UGGT1: variants seen among roughly 807,000 people sequenced by gnomAD.
UGGT1 encodes the protein UDP-glucose:glycoprotein glucosyltransferase 1.
In UGGT1, 107 loss-of-function variants were observed where a neutral mutation model predicts 203.9. The observed-to-expected ratio is 0.52, with a 90% CI of 0.45 to 0.62. The LOEUF (loss-of-function observed/expected upper bound fraction) is 0.62. Among genes scored for constraint, UGGT1 ranks in the 20% least tolerant of loss-of-function variants. The probability of loss-of-function intolerance (pLI) is 0.00; values close to 1 mark genes in which losing one functional copy is unlikely to be tolerated. For synonymous variants in UGGT1, 628 were observed against 653.5 expected (o/e 0.96, Z 0.59); for missense variants, 1,673 against 1,867.2 (o/e 0.90, Z 1.92).
chr2:128,123,732 T>C (rs1310380827), intron 11 of UGGT1, among the ~76,000 whole-genome samples: 1 of 152,220 alleles, frequency 6.6e-6, no homozygotes, highest in Non-Finnish European at 1.5e-5. Context: ...CTGGTTTTGA[T>C]GTGGTCTGAG....
chr2:128,106,436 C>T (rs1332199150), intron 3 of UGGT1, among the ~76,000 whole-genome samples: 6 of 152,226 alleles, frequency 3.9e-5, no homozygotes, highest in African/African-American at 1.4e-4. Flanking sequence ...CATTAACATT[C>T]TGGCATCATT....
chr2:128,151,697 C>A (rs1169576255), intron 18 of UGGT1, among the ~76,000 whole-genome samples: 2 of 152,040 alleles, frequency 1.3e-5, no homozygotes, highest in Non-Finnish European at 2.9e-5. Context: ...TGTGGTGAAA[C>A]CCCATCTCTA....
chr2:128,175,375 T>C (rs1056817208), intron 31 of UGGT1, among the ~76,000 whole-genome samples: 11 of 152,218 alleles, frequency 7.2e-5, no homozygotes, highest in African/African-American at 2.4e-4. Flanking sequence ...ACTGCACATA[T>C]TTATTAGTTT....
chr2:128,172,267 C>G (rs1476576845), intron 28 of UGGT1, among the ~76,000 whole-genome samples: 3 of 152,136 alleles, frequency 2.0e-5, no homozygotes, highest in Non-Finnish European at 2.9e-5. Flanking sequence ...TGCAGGTGGA[C>G]AGTATAGTGG....
At chr2:128,185,963 C>T (rs1691957837) in intron 38 of UGGT1, among the ~76,000 whole-genome samples, 1 of 152,046 alleles carries the variant, frequency 6.6e-6, no homozygotes, top group African/African-American at 2.4e-5. Flanking sequence ...AAAATGTCGT[C>T]TATTTGGGAG....
chr2:128,174,576 C>G (rs1412069695), intron 30 of UGGT1, among the ~76,000 whole-genome samples, 197 bp from the exon 31 acceptor site: 1 of 152,202 alleles, frequency 6.6e-6, no homozygotes, highest in Admixed American at 6.5e-5. Flanking sequence ...GCTGGGATTA[C>G]AGGCGTGAGC....
intron 5 of UGGT1, among the ~76,000 whole-genome samples, chr2:128,112,408 G>T: frequency 1.0e-5 from 1 of 100,194 alleles, no homozygotes; most frequent in South Asian, 3.6e-4. Flanking sequence ...CAACAGGAAT[G>T]AAACTCCATC....
In UGGT1 at chr2:128,115,156, C is replaced by G; in HGVS notation, c.729C>G (p.Gly243=). The change falls in exon 7 of 41, where the codon GGC becomes GGG. Residue 243 remains glycine, a synonymous_variant. Transcript: ENST00000259253. ...GGAAGGAGCCTGTTTACCTCTCTGG[C>G]TATGGCGTGGAATTGGCCATTAAGA... The part of the protein sequence containing the change: ...NPRKEPVYLS[G]YGVELAIKST... 6.2e-7 allele frequency: 1 copy of G among 1,614,006 alleles called. No homozygotes were observed. Among genetic ancestry groups the G allele is most frequent in the Non-Finnish European group, 8.5e-7 (1 of 1,179,974 alleles).
At chr2:128,170,443 G>A in intron 27 of UGGT1, 53 bp downstream of exon 27, 2 of 1,516,004 alleles carry the variant, frequency 1.3e-6, no homozygotes, top group Admixed American at 3.4e-5. Context: ...GTTGTCACAT[G>A]CTCTGAAATT....
In UGGT1 at chr2:128,136,804, C is replaced by T. The variant is rs73955939; in HGVS notation, c.1583+1843C>T. ...TATGCTTAGTTTTGTTCTAAAGTAG[C>T]GGTACCATTTTGCATTTCCACCAGC... On this transcript the variant is annotated intron_variant, in intron 15 of 40. Coordinates refer to ENST00000259253, the MANE Select transcript of UGGT1 (RefSeq NM_020120.4). 9.5e-3 allele frequency among the ~76,000 whole-genome samples: 1,449 copies of T among 152,246 alleles called. 23 individuals are homozygous for T. The highest frequency in any genetic ancestry group is 0.032 in the African/African-American group (1,322 of 41,528).
intron 25 of UGGT1, 28 bp downstream of exon 25, chr2:128,161,296 G>A (rs1385021191): frequency 6.2e-7 from 1 of 1,608,984 alleles, no homozygotes; most frequent in Admixed American, 1.7e-5. Flanking sequence ...AGGAATTACA[G>A]GGGTTATATA....
chr2:128,151,229 G>C (rs1558797064), intron 18 of UGGT1: 1 of 592,840 alleles, frequency 1.7e-6, no homozygotes, highest in African/African-American at 1.8e-5. Flanking sequence ...TGTTTCTTCT[G>C]CTCCTCTTTT....
chr2:128,132,909 A>T (rs1321572640), intron 13 of UGGT1, among the ~76,000 whole-genome samples: 1 of 151,918 alleles, frequency 6.6e-6, no homozygotes, highest in African/African-American at 2.4e-5. Context: ...GTCTCATAAT[A>T]TTGCCCAGGC....
In UGGT1 at chr2:128,116,328, T is replaced by G; in HGVS notation, c.857T>G (p.Leu286Arg). 2.5e-6 allele frequency: 4 copies of G among 1,610,350 alleles called. No homozygotes were observed. Among genetic ancestry groups the G allele is most frequent in the Non-Finnish European group, 3.4e-6 (4 of 1,176,704 alleles). Residue 286 changes from leucine (L) to arginine (R), a missense_variant, in exon 8 of 41, where the codon CTC becomes CGC. Physicochemically the swap from Leu to Arg is moderately radical, Grantham distance 102. Transcript: ENST00000259253. ...CCTATTGATGAGGTTCAGGGGTTCC[T>G]CTTTGGAAAATTAAGGTATGTATGT... ...NDPIDEVQGF[L>R]FGKLRDLHPD... is the part of the protein sequence containing the mutation.
At chr2:128,186,305 C>T (rs556415233) in intron 38 of UGGT1, among the ~76,000 whole-genome samples, 3 of 152,270 alleles carry the variant, frequency 2.0e-5, no homozygotes, top group South Asian at 2.1e-4. Context: ...ATGTTCTATA[C>T]GTTTGTCTCC....
intron 2 of UGGT1, 45 bp downstream of exon 2, chr2:128,097,609 T>G (rs1456359481): frequency 1.2e-6 from 2 of 1,607,702 alleles, no homozygotes; most frequent in Admixed American, 1.7e-5. Context: ...AGTATAAATA[T>G]AGGCTCTGAC....
intron 36 of UGGT1, 124 bp from the exon 37 acceptor site, chr2:128,182,006 G>C (rs1163330309): frequency 2.3e-6 from 2 of 856,698 alleles, no homozygotes; most frequent in East Asian, 5.0e-5. Flanking sequence ...TGCCCCTAGT[G>C]CCTGTGCCAC....
intron 27 of UGGT1, among the ~76,000 whole-genome samples, chr2:128,170,965 A>G (rs980276782): frequency 2.6e-5 from 4 of 152,164 alleles, no homozygotes; most frequent in African/African-American, 9.7e-5. Context: ...CCCCACAGGA[A>G]CTGCCTTCGT....
chr2:128,187,342 A>T, intron 39 of UGGT1, 107 bp from the exon 40 acceptor site: 2 of 1,245,742 alleles, frequency 1.6e-6, no homozygotes, highest in Non-Finnish European at 2.2e-6. Flanking sequence ...TTGGTTCCTT[A>T]CTATTGTTTT....
Sources: allele counts gnomAD v4.1 joint callset (sites outside exome capture counted in the v4.1 genomes callset), GRCh38; gene constraint gnomAD v4.1.1; transcripts MANE v1.5; gene names NCBI Gene and HGNC (gene_info 2026-07-23, HGNC 2026-07-21).